Variants in GLRA3 observed in about 807,000 individuals in gnomAD.
GLRA3 encodes the protein glycine receptor subunit alpha-3.
A neutral mutation model predicts 60.4 loss-of-function variants in GLRA3; 44 were observed. The observed-to-expected ratio is 0.73, with a 90% CI of 0.57 to 0.94. The LOEUF (loss-of-function observed/expected upper bound fraction) is 0.94. GLRA3 is among the 40% of genes least tolerant of loss of function. GLRA3 has a pLI of 0.00. For missense variants in GLRA3, 508 were observed against 564.6 expected (o/e 0.90, Z 1.02); for synonymous variants, 223 against 192.9 (o/e 1.16, Z -1.29).
At chr4:174,720,094 G>A (rs1274248557) in intron 4 of GLRA3, among the ~76,000 whole-genome samples, 2 of 151,970 alleles carry the variant, frequency 1.3e-5, no homozygotes, top group East Asian at 1.9e-4. Context: ...ATTTCTTCCC[G>A]TGATCTGATT....
chr4:174,692,080 C>T (rs1190429911), intron 5 of GLRA3, among the ~76,000 whole-genome samples: 6 of 149,360 alleles, frequency 4.0e-5, no homozygotes, highest in Non-Finnish European at 5.9e-5. Flanking sequence ...TCTGCTGGGC[C>T]GCCCTGTCTG....
At chr4:174,739,593 T>C (rs1736931097) in intron 3 of GLRA3, among the ~76,000 whole-genome samples, 2 of 152,022 alleles carry the variant, frequency 1.3e-5, no homozygotes, top group Admixed American at 1.3e-4. Context: ...CAACCCAAGG[T>C]AGAGAATCAT....
chr4:174,777,853 C>T (rs1366558264), intron 2 of GLRA3, among the ~76,000 whole-genome samples: 2 of 152,132 alleles, frequency 1.3e-5, no homozygotes, highest in Admixed American at 1.3e-4. Context: ...CCTAAAACTG[C>T]TCTTTAAAAC....
intron 2 of GLRA3, among the ~76,000 whole-genome samples, chr4:174,770,839 A>T (rs1352457549): frequency 6.6e-6 from 1 of 151,956 alleles, no homozygotes; most frequent in Non-Finnish European, 1.5e-5. Flanking sequence ...AGAGGAGTAA[A>T]CTTAGTTTAC....
rs1366359286 is a variant in GLRA3, at chr4:174,637,341, CATATT to C, written c.*6440_*6444del. ...TTTTGTTTTGTTTTTCATAGCATAT[CATATT>C]ATATCTGTAGAATGTCAGGGTACTT... On this transcript the variant is annotated 3_prime_UTR_variant, in exon 10 of 10. Coordinates refer to ENST00000274093, the MANE Select transcript of GLRA3 (RefSeq NM_006529.4). 1.3e-5 allele frequency: 2 copies of C among 151,748 alleles called. No homozygotes were observed. The highest frequency in any genetic ancestry group is 4.8e-5 in the African/African-American group (2 of 41,304). 9.4% of individuals were successfully genotyped at this position (151,748 alleles called of 1,614,324 possible).
intron 3 of GLRA3, among the ~76,000 whole-genome samples, chr4:174,764,591 C>T (rs1228464753): frequency 6.6e-6 from 1 of 150,558 alleles, no homozygotes; most frequent in African/African-American, 2.4e-5. Flanking sequence ...CTATATTCAG[C>T]GTAAGAAGTG....
chr4:174,715,191 G>C (rs1735867797), intron 5 of GLRA3, among the ~76,000 whole-genome samples: 1 of 152,188 alleles, frequency 6.6e-6, no homozygotes, highest in Non-Finnish European at 1.5e-5. Flanking sequence ...ATAAGTGATA[G>C]TTTGTTTTTA....
chr4:174,729,511 A>G (rs1736472638), intron 3 of GLRA3, among the ~76,000 whole-genome samples: 1 of 152,232 alleles, frequency 6.6e-6, no homozygotes, highest in Admixed American at 6.5e-5. Flanking sequence ...GAGATTTCCC[A>G]ATTAGATCTT....
At chr4:174,798,481 G>C (rs1739660125) in intron 1 of GLRA3, among the ~76,000 whole-genome samples, 1 of 152,158 alleles carries the variant, frequency 6.6e-6, no homozygotes, top group African/African-American at 2.4e-5. Flanking sequence ...GGTCATCTGG[G>C]AATATGTGAT....
intron 3 of GLRA3, among the ~76,000 whole-genome samples, chr4:174,756,401 T>C (rs931131612): frequency 6.6e-6 from 1 of 152,024 alleles, no homozygotes; most frequent in African/African-American, 2.4e-5. Context: ...GAATAATAAA[T>C]TATGGTCAAA....
rs538973019 is a variant in GLRA3 at position 174,718,681 on chromosome 4, A to T, written c.492-3111T>A. Among the ~76,000 whole-genome samples, 21 of 152,314 alleles carry T rather than the reference A, an allele frequency of 1.4e-4. No homozygotes were observed. The South Asian group carries it at 3.7e-3, about 27-fold the overall frequency. The stretch of plus-strand genomic sequence containing the variant: ...TTGGTGTCTTAAAAACAATGGCTTC[A>T]ATTAGCAATTTAATCAGTTTTAATC... On this transcript the variant is annotated intron_variant, in intron 4 of 9. Transcript: ENST00000274093.
chr4:174,706,038 T>G (rs1021484562), intron 5 of GLRA3, among the ~76,000 whole-genome samples: 41 of 151,982 alleles, frequency 2.7e-4, no homozygotes, highest in African/African-American at 5.1e-4. Context: ...GACCATCCTG[T>G]GTAACATGGT....
intron 5 of GLRA3, among the ~76,000 whole-genome samples, chr4:174,685,861 G>A (rs1734537024): frequency 1.3e-5 from 2 of 152,140 alleles, no homozygotes; most frequent in African/African-American, 2.4e-5. Context: ...ATATGAGATT[G>A]TGTCCCAATT....
In GLRA3 at chr4:174,638,760, G is replaced by C. The variant is rs1305128515; in HGVS notation, c.*5026C>G. On this transcript the variant is annotated 3_prime_UTR_variant, in exon 10 of 10. Coordinates refer to ENST00000274093, the MANE Select transcript of GLRA3 (RefSeq NM_006529.4). ...CTTCTGGAATTTTTTCAATCATCCA[G>C]AATTTCAGATCTTATTCCAAAAATA... 1.3e-5 allele frequency: 2 copies of C among 152,172 alleles called. No individual in the cohort carries two copies. The highest frequency in any genetic ancestry group is 4.8e-5 in the African/African-American group (2 of 41,450). The allele number at this position is 152,172 out of a possible 1,614,324, so 9.4% of individuals were successfully genotyped here.
At chr4:174,712,456 A>T (rs1023448076) in intron 5 of GLRA3, 1 of 152,154 alleles carries the variant, frequency 6.6e-6, no homozygotes, top group Non-Finnish European at 1.5e-5. Context: ...TATTTGATAA[A>T]TATTTTTCAA....
intron 3 of GLRA3, among the ~76,000 whole-genome samples, chr4:174,735,421 A>C (rs1032594564): frequency 6.6e-6 from 1 of 152,186 alleles, no homozygotes; most frequent in Admixed American, 6.5e-5. Flanking sequence ...ATGACCTGAA[A>C]TTTGCATCAC....
At chr4:174,712,404 T>G (rs1735748581) in intron 5 of GLRA3, 1 of 152,174 alleles carries the variant, frequency 6.6e-6, no homozygotes, top group Non-Finnish European at 1.5e-5. Flanking sequence ...TTTGCTTTAT[T>G]TATTGTTATA....
At chr4:174,808,343 G>A (rs1740130332) in intron 1 of GLRA3, among the ~76,000 whole-genome samples, 1 of 151,992 alleles carries the variant, frequency 6.6e-6, no homozygotes, top group Non-Finnish European at 1.5e-5. Flanking sequence ...CTATTGCCTA[G>A]TGATGTCATA....
At chr4:174,678,552 G>T (rs72706151) in intron 6 of GLRA3, among the ~76,000 whole-genome samples, 54,341 of 152,048 alleles carry the variant, frequency 0.36, 10,349 homozygotes, top group Middle Eastern at 0.46. Context: ...TGGGCCGTGC[G>T]TGATTGCACA....
Sources: gnomAD v4.1 joint callset for allele counts (sites outside exome capture counted in the v4.1 genomes callset) on GRCh38, gnomAD v4.1.1 for gene constraint, MANE v1.5 for transcripts, NCBI Gene and HGNC (gene_info 2026-07-23, HGNC 2026-07-21) for gene names.